TUSC3: variants seen among roughly 807,000 people sequenced by gnomAD.
The protein encoded by TUSC3 is tumor suppressor candidate 3, also known as dolichyl-diphosphooligosaccharide--protein glycosyltransferase subunit TUSC3.
A neutral mutation model predicts 44.8 loss-of-function variants in TUSC3; 45 were observed. The ratio of observed to expected loss-of-function variants is 1.00; its 90% CI spans 0.79 to 1.29. The LOEUF (loss-of-function observed/expected upper bound fraction) is 1.29. TUSC3 is among the 50% of genes most tolerant of loss of function. The pLI is 0.00. For missense variants in TUSC3, 519 were observed against 437.9 expected (o/e 1.19, Z -1.65); for synonymous variants, 212 against 152.9 (o/e 1.39, Z -2.85).
chr8:15,738,971 C>T (rs576678210), intron 7 of TUSC3, among the ~76,000 whole-genome samples: 2 of 151,304 alleles, frequency 1.3e-5, no homozygotes, highest in African/African-American at 4.8e-5. Context: ...CAGCTGGCAC[C>T]ACAGGCACGC....
In TUSC3 at chr8:15,757,813, G is replaced by T. The variant is rs1340107922; in HGVS notation, c.*4G>T. On this transcript the variant is annotated 3_prime_UTR_variant, in exon 10 of 11. Transcript: ENST00000503731. ...AAGTGATCTGGACTTTGAGTGAGAAGATGTGATTTGGACCATGGCACTTAA... is the reference window on the plus strand; with the variant it reads ...AAGTGATCTGGACTTTGAGTGAGAATATGTGATTTGGACCATGGCACTTAA... The T allele has an allele frequency of 7.1e-7, 1 of 1,414,192 alleles. No homozygotes were observed. Among genetic ancestry groups the T allele is most frequent in the Non-Finnish European group, 1.0e-6 (1 of 997,828 alleles). The allele number at this position is 1,414,192 out of a possible 1,614,324, so 87.6% of individuals were successfully genotyped here.
At chr8:15,803,222 C>T in the TUSC3 span, among the ~76,000 whole-genome samples, 5 of 151,968 alleles carry the variant, frequency 3.3e-5, no homozygotes, top group East Asian at 1.9e-4. Context: ...TTTATCTTTC[C>T]GGCAATGCAA....
At chr8:15,701,746 G>A (rs1809415948) in intron 6 of TUSC3, among the ~76,000 whole-genome samples, 1 of 152,130 alleles carries the variant, frequency 6.6e-6, no homozygotes, top group East Asian at 1.9e-4. Context: ...TTTAAGACAG[G>A]CAGCTTATGT....
the TUSC3 span, among the ~76,000 whole-genome samples, chr8:15,799,399 T>C: frequency 2.6e-4 from 40 of 152,346 alleles, no homozygotes; most frequent in African/African-American, 9.1e-4. Flanking sequence ...TGGCCTAGGA[T>C]GAATCTTAGT....
intron 6 of TUSC3, among the ~76,000 whole-genome samples, chr8:15,675,799 C>G (rs1039227231): frequency 6.6e-6 from 1 of 152,038 alleles, no homozygotes; most frequent in Non-Finnish European, 1.5e-5. Flanking sequence ...ATAGTATTCC[C>G]TGTTGTATAT....
At chr8:15,805,445 T>C in the TUSC3 span, among the ~76,000 whole-genome samples, 1 of 152,136 alleles carries the variant, frequency 6.6e-6, no homozygotes, top group Non-Finnish European at 1.5e-5. Flanking sequence ...TTTGCCTGTT[T>C]AGTATGATGT....
chr8:15,456,773 G>A (rs1585052318), intron 1 of TUSC3, among the ~76,000 whole-genome samples: 1 of 152,064 alleles, frequency 6.6e-6, no homozygotes, highest in South Asian at 2.1e-4. Context: ...AATTCAAACA[G>A]AGAAGGAGAA....
At chr8:15,614,987 G>C (rs747410927) in intron 1 of TUSC3, among the ~76,000 whole-genome samples, 10 of 148,936 alleles carry the variant, frequency 6.7e-5, no homozygotes, top group Non-Finnish European at 1.5e-4. Flanking sequence ...GCGTAGTAAA[G>C]GGAACTCTTG....
intron 2 of TUSC3, among the ~76,000 whole-genome samples, chr8:15,498,918 G>C (rs1382959288): frequency 6.6e-6 from 1 of 152,094 alleles, no homozygotes; most frequent in African/African-American, 2.4e-5. Flanking sequence ...TAGTGTTCCT[G>C]TTTACCGGAT....
the TUSC3 span, among the ~76,000 whole-genome samples, chr8:15,792,589 CTACT>C: frequency 6.6e-6 from 1 of 151,958 alleles, no homozygotes; most frequent in Non-Finnish European, 1.5e-5. Context: ...CCTTGTATAC[CTACT>C]ATTTCTTTTT....
chr8:15,573,182 C>G (rs1376314943), intron 1 of TUSC3, among the ~76,000 whole-genome samples: 2 of 87,930 alleles, frequency 2.3e-5, no homozygotes, highest in African/African-American at 9.3e-5. Context: ...CTCTCTCTCT[C>G]TCTCTCTCTC....
intron 6 of TUSC3, among the ~76,000 whole-genome samples, chr8:15,715,333 G>C (rs117697912): frequency 0.012 from 1,847 of 152,204 alleles, 22 homozygotes; most frequent in Non-Finnish European, 0.021. Flanking sequence ...ATTATGTTAC[G>C]TGGATGTGGT....
chr8:15,424,732 T>C (rs1001083120), intron 1 of TUSC3, among the ~76,000 whole-genome samples: 1 of 151,924 alleles, frequency 6.6e-6, no homozygotes, highest in African/African-American at 2.4e-5. Flanking sequence ...TACAAAAAAT[T>C]AGCCAGGCGT....
At chr8:15,845,125 G>A in the TUSC3 span, among the ~76,000 whole-genome samples, 1 of 152,194 alleles carries the variant, frequency 6.6e-6, no homozygotes, top group African/African-American at 2.4e-5. Flanking sequence ...TCATAAGTTA[G>A]AACAAGAAGA....
intron 1 of TUSC3, among the ~76,000 whole-genome samples, chr8:15,572,853 C>T (rs980186298): frequency 2.0e-5 from 3 of 152,036 alleles, no homozygotes; most frequent in Admixed American, 6.6e-5. Flanking sequence ...TTAAATTTGC[C>T]ATGTTTTACG....
intron 1 of TUSC3, among the ~76,000 whole-genome samples, chr8:15,448,195 T>C (rs1341493275): frequency 6.7e-6 from 1 of 150,268 alleles, no homozygotes; most frequent in African/African-American, 2.5e-5. Context: ...CTCAGCTCAC[T>C]GCAACCTCTG....
chr8:15,513,132 C>G (rs541813428), intron 2 of TUSC3, among the ~76,000 whole-genome samples: 2 of 151,362 alleles, frequency 1.3e-5, no homozygotes, highest in Admixed American at 6.6e-5. Context: ...ATGAAAATAA[C>G]TCACAAATGA....
chr8:15,695,716 GA>G, intron 6 of TUSC3, among the ~76,000 whole-genome samples: 1 of 152,306 alleles, frequency 6.6e-6, no homozygotes, highest in East Asian at 1.9e-4. Context: ...TATGAACAAT[GA>G]AATCCAGACT....
intron 2 of TUSC3, among the ~76,000 whole-genome samples, chr8:15,628,309 C>G (rs990936659): frequency 7.9e-5 from 12 of 152,030 alleles, no homozygotes; most frequent in African/African-American, 2.7e-4. Flanking sequence ...CCATAACATA[C>G]TGTTAAATGG....
Sources: allele counts gnomAD v4.1 joint callset (sites outside exome capture counted in the v4.1 genomes callset), GRCh38; gene constraint gnomAD v4.1.1; transcripts MANE v1.5; gene names NCBI Gene and HGNC (gene_info 2026-07-23, HGNC 2026-07-21).